CDH13: variants seen among roughly 807,000 people sequenced by gnomAD.
CDH13 encodes cadherin-13.
In CDH13, 24 loss-of-function variants were observed where a neutral mutation model predicts 63.8. The ratio of observed to expected loss-of-function variants is 0.38; its 90% CI spans 0.27 to 0.53. CDH13 has a LOEUF of 0.53. Ranked by LOEUF, CDH13 falls within the 20% of genes least tolerant of loss-of-function variation. CDH13 has a pLI of 0.85. For missense variants in CDH13, 1,049 were observed against 903.1 expected, an observed-to-expected ratio of 1.16 and a Z score of -2.07; for synonymous variants, 503 against 355.3, an observed-to-expected ratio of 1.42 and a Z score of -4.67.
intron 6 of CDH13, among the ~76,000 whole-genome samples, chr16:83,483,240 A>G (rs2073813938): frequency 6.6e-6 from 1 of 152,202 alleles, no homozygotes; most frequent in Non-Finnish European, 1.5e-5. Flanking sequence ...GATTTCCTCC[A>G]GAGTAAATCC....
At chr16:82,959,331 G>A (rs1421961888) in intron 2 of CDH13, among the ~76,000 whole-genome samples, 1 of 152,206 alleles carries the variant, frequency 6.6e-6, no homozygotes, top group Non-Finnish European at 1.5e-5. Flanking sequence ...TTTGGCAGGG[G>A]AGGGGGCTGG....
At chr16:82,753,126 G>C (rs2034483473) in intron 1 of CDH13, among the ~76,000 whole-genome samples, 1 of 152,120 alleles carries the variant, frequency 6.6e-6, no homozygotes, top group South Asian at 2.1e-4. Flanking sequence ...GTACGTGTCA[G>C]CTCCTACTTA....
chr16:83,265,939 G>T (rs1356307435), intron 5 of CDH13, among the ~76,000 whole-genome samples: 4 of 151,580 alleles, frequency 2.6e-5, no homozygotes, highest in African/African-American at 9.7e-5. Context: ...TCGGTTTTTT[G>T]TTTATTTCTG....
chr16:83,644,495 G>A (rs973189687), intron 8 of CDH13, among the ~76,000 whole-genome samples: 6 of 152,160 alleles, frequency 3.9e-5, no homozygotes, highest in Non-Finnish European at 7.3e-5. Context: ...AAAGCAAAAT[G>A]CCTGGCCCAA....
intron 10 of CDH13, among the ~76,000 whole-genome samples, chr16:83,715,116 C>A (rs1347662061): frequency 2.0e-5 from 3 of 152,112 alleles, no homozygotes; most frequent in African/African-American, 4.8e-5. Context: ...CTCATAAATA[C>A]CCCCACCTTA....
intron 6 of CDH13, among the ~76,000 whole-genome samples, chr16:83,409,461 C>T (rs1323271919): frequency 6.6e-6 from 1 of 152,160 alleles, no homozygotes; most frequent in African/African-American, 2.4e-5. Flanking sequence ...ATCAGCAGAG[C>T]CTGCTCCAAG....
At chr16:83,241,745 C>A (rs963385180) in intron 5 of CDH13, among the ~76,000 whole-genome samples, 1 of 152,032 alleles carries the variant, frequency 6.6e-6, no homozygotes, top group Non-Finnish European at 1.5e-5. Flanking sequence ...ACCCCTTATC[C>A]GATATATGTC....
chr16:83,447,073 A>C (rs937617490), intron 6 of CDH13, among the ~76,000 whole-genome samples: 1 of 112,682 alleles, frequency 8.9e-6, no homozygotes, highest in Admixed American at 1.1e-4. Context: ...AAAAAAAAAA[A>C]ACAAAAAACA....
intron 7 of CDH13, among the ~76,000 whole-genome samples, chr16:83,597,233 AC>A (rs1907350328): frequency 6.6e-6 from 1 of 152,118 alleles, no homozygotes; most frequent in African/African-American, 2.4e-5. Context: ...ACACACACAC[AC>A]ACACAAAAAG....
intron 7 of CDH13, among the ~76,000 whole-genome samples, chr16:83,507,642 C>T (rs536784463): frequency 6.6e-6 from 1 of 152,294 alleles, no homozygotes; most frequent in South Asian, 2.1e-4. Flanking sequence ...GGCATAGCAC[C>T]CTGAATTGCC....
At chr16:83,048,674 C>T (rs988764608) in intron 3 of CDH13, among the ~76,000 whole-genome samples, 3 of 152,038 alleles carry the variant, frequency 2.0e-5, no homozygotes, top group Non-Finnish European at 2.9e-5. Flanking sequence ...AGAGAAAGAC[C>T]GATTCTTCCT....
At chr16:82,705,075 C>A (rs900240928) in intron 1 of CDH13, 3 of 450,696 alleles carry the variant, frequency 6.7e-6, no homozygotes, top group East Asian at 7.0e-5. Context: ...CCAGTGAGGC[C>A]TACCATATAC....
intron 6 of CDH13, among the ~76,000 whole-genome samples, chr16:83,469,555 C>T (rs937067896): frequency 1.1e-4 from 17 of 152,158 alleles, no homozygotes; most frequent in African/African-American, 4.1e-4. Flanking sequence ...ATACCAGATG[C>T]TTTCAGGGCA....
At chr16:83,303,622 G>A (rs538699880) in intron 5 of CDH13, among the ~76,000 whole-genome samples, 2 of 152,208 alleles carry the variant, frequency 1.3e-5, no homozygotes, top group African/African-American at 4.8e-5. Context: ...CCTTTTGCTG[G>A]GTATGGTTTG....
At chr16:82,862,913 T>C (rs1204538818) in intron 2 of CDH13, among the ~76,000 whole-genome samples, 3 of 152,162 alleles carry the variant, frequency 2.0e-5, no homozygotes, top group Non-Finnish European at 4.4e-5. Context: ...GCTTCCAGCT[T>C]TTATCACTGA....
At chr16:82,790,073 G>C (rs1256785618) in intron 1 of CDH13, among the ~76,000 whole-genome samples, 2 of 152,120 alleles carry the variant, frequency 1.3e-5, no homozygotes, top group South Asian at 4.1e-4. Flanking sequence ...GCTGATCAGT[G>C]GAGCTTAGAA....
At chr16:83,001,776 C>A (rs549775157) in intron 2 of CDH13, among the ~76,000 whole-genome samples, 4 of 152,246 alleles carry the variant, frequency 2.6e-5, no homozygotes, top group South Asian at 2.1e-4. Context: ...TGAGTCCTGT[C>A]CAGGTGGTGG....
At chr16:83,500,052 C>G (rs2074235299) in intron 7 of CDH13, among the ~76,000 whole-genome samples, 1 of 151,950 alleles carries the variant, frequency 6.6e-6, no homozygotes, top group Non-Finnish European at 1.5e-5. Flanking sequence ...ATCCGCCCAC[C>G]TCGGCCTCCC....
chr16:83,137,517 GCTTT>G (rs1247020032), intron 4 of CDH13, among the ~76,000 whole-genome samples: 2 of 152,182 alleles, frequency 1.3e-5, no homozygotes, highest in Non-Finnish European at 1.5e-5. Flanking sequence ...GCAAAAAACG[GCTTT>G]CTTTGTCTGG....
Sources: gnomAD v4.1 joint callset for allele counts (sites outside exome capture counted in the v4.1 genomes callset) on GRCh38, gnomAD v4.1.1 for gene constraint, MANE v1.5 for transcripts, NCBI Gene and HGNC (gene_info 2026-07-23, HGNC 2026-07-21) for gene names.